DNTTIP1: variants seen among roughly 807,000 people sequenced by gnomAD.
DNTTIP1 encodes the protein deoxynucleotidyltransferase terminal-interacting protein 1.
DNTTIP1 carries 22 observed loss-of-function variants against 52.9 expected under a neutral mutation model. The ratio of observed to expected loss-of-function variants is 0.42; its 90% confidence interval spans 0.30 to 0.59. The LOEUF (loss-of-function observed/expected upper bound fraction) is 0.59. DNTTIP1 is among the 20% of genes least tolerant of loss of function. DNTTIP1 has a pLI of 0.22. For synonymous variants in DNTTIP1, 136 were observed against 155.1 expected (o/e 0.88, Z 0.92); for missense variants, 286 against 435.5 (o/e 0.66, Z 3.06).
chr20:45,799,475 G>A (rs1002759023), intron 4 of DNTTIP1, among the ~76,000 whole-genome samples: 1 of 152,162 alleles, frequency 6.6e-6, no homozygotes, highest in African/African-American at 2.4e-5. Flanking sequence ...TGAGCCAGGT[G>A]TTCCCACCTT....
chr20:45,795,153 G>A (rs1010074777), intron 3 of DNTTIP1, among the ~76,000 whole-genome samples, 192 bp from the exon 4 acceptor site: 1 of 152,068 alleles, frequency 6.6e-6, no homozygotes, highest in Non-Finnish European at 1.5e-5. Flanking sequence ...GATTATATCC[G>A]TAAGAGGGGG....
intron 11 of DNTTIP1, among the ~76,000 whole-genome samples, chr20:45,810,373 C>G (rs1009952295): frequency 2.0e-5 from 3 of 152,162 alleles, no homozygotes; most frequent in African/African-American, 4.8e-5. Flanking sequence ...ATCATGTTTT[C>G]CATTTTGCCA....
intron 4 of DNTTIP1, among the ~76,000 whole-genome samples, chr20:45,798,724 C>T (rs1981326867): frequency 6.6e-6 from 1 of 152,152 alleles, no homozygotes; most frequent in South Asian, 2.1e-4. Context: ...GTTTAAATAT[C>T]AGAGAGGTCT....
intron 4 of DNTTIP1, among the ~76,000 whole-genome samples, chr20:45,797,231 A>G (rs985557521): frequency 2.0e-5 from 3 of 152,220 alleles, no homozygotes; most frequent in Non-Finnish European, 4.4e-5. Context: ...GGGAGAATAA[A>G]GTCTTAATGC....
At chr20:45,795,773 T>C (rs1436007431) in intron 4 of DNTTIP1, among the ~76,000 whole-genome samples, 2 of 152,230 alleles carry the variant, frequency 1.3e-5, no homozygotes, top group African/African-American at 4.8e-5. Context: ...CACTCCAGCC[T>C]GGGTGAAAGA....
chr20:45,799,187 C>T (rs775169520), intron 4 of DNTTIP1, among the ~76,000 whole-genome samples: 3 of 152,080 alleles, frequency 2.0e-5, no homozygotes, highest in Non-Finnish European at 4.4e-5. Context: ...TTAATTGAAG[C>T]TGTGAGAATA....
In DNTTIP1 at chr20:45,809,111, C is replaced by T. The variant is rs1342191073; in HGVS notation, c.724-3C>T. ...AATTTTCTTACAACTTCATTCCTTA[C>T]AGTATGCAGCTGACCCCCAGGATAA... On this transcript the variant is annotated splice_polypyrimidine_tract_variant and splice_region_variant and intron_variant, in intron 10 of 12. Transcript: ENST00000372622. The surrounding 1 kb of genome is among the most constrained non-coding windows in gnomAD (Gnocchi z 4.2). The T allele has an allele frequency of 6.2e-7, 1 of 1,613,870 alleles. No individual in the cohort carries two copies. Among genetic ancestry groups the T allele is most frequent in the Non-Finnish European group, 8.5e-7 (1 of 1,179,744 alleles).
chr20:45,807,889 T>A (rs1158106685), intron 10 of DNTTIP1, among the ~76,000 whole-genome samples: 2 of 151,742 alleles, frequency 1.3e-5, no homozygotes, highest in Non-Finnish European at 2.9e-5. Context: ...GAGGCAGAGG[T>A]TTCAGTGAGC....
intron 6 of DNTTIP1, 100 bp from the exon 7 acceptor site, chr20:45,801,899 C>A: frequency 8.5e-7 from 1 of 1,177,000 alleles, no homozygotes; most frequent in Non-Finnish European, 1.3e-6. Flanking sequence ...ATCATTTGAT[C>A]TCTTTGGAAA....
chr20:45,806,314 C>G (rs192883105), intron 10 of DNTTIP1, among the ~76,000 whole-genome samples: 329 of 148,500 alleles, frequency 2.2e-3, no homozygotes, highest in African/African-American at 7.7e-3. Context: ...CAAGATCTCA[C>G]CATTGCACTC....
At chr20:45,798,515 G>A (rs1387401805) in intron 4 of DNTTIP1, among the ~76,000 whole-genome samples, 2 of 151,948 alleles carry the variant, frequency 1.3e-5, no homozygotes, top group African/African-American at 4.8e-5. Flanking sequence ...GACCCACAGA[G>A]CCTACCCTCG....
At chr20:45,805,243 T>G in intron 9 of DNTTIP1, 39 bp downstream of exon 9, 1 of 1,614,034 alleles carries the variant, frequency 6.2e-7, no homozygotes, top group Non-Finnish European at 8.5e-7. Flanking sequence ...AGGAAACAGC[T>G]CAGGAGTTCA....
At chr20:45,801,274 A>G in intron 5 of DNTTIP1, 128 bp from the exon 6 acceptor site, 5 of 1,379,148 alleles carry the variant, frequency 3.6e-6, no homozygotes, top group Non-Finnish European at 5.1e-6. Flanking sequence ...ATCATGCTGG[A>G]TGGGCTTCTT....
intron 4 of DNTTIP1, chr20:45,796,545 G>T: frequency 2.1e-6 from 1 of 471,178 alleles, no homozygotes. Context: ...GTGTGGTCAG[G>T]AAGCATGACA....
At chr20:45,807,362 T>C (rs898277895) in intron 10 of DNTTIP1, among the ~76,000 whole-genome samples, 21 of 152,214 alleles carry the variant, frequency 1.4e-4, no homozygotes, top group African/African-American at 5.1e-4. Flanking sequence ...GCTCAGATGA[T>C]CCACAGCCTC....
chr20:45,802,610 A>C (rs763370802), intron 7 of DNTTIP1, among the ~76,000 whole-genome samples: 5 of 152,214 alleles, frequency 3.3e-5, no homozygotes, highest in Non-Finnish European at 7.4e-5. Context: ...CAGGCACCAG[A>C]GTGGTACATT....
intron 4 of DNTTIP1, among the ~76,000 whole-genome samples, chr20:45,799,390 A>G (rs1981348567): frequency 1.3e-5 from 2 of 152,232 alleles, no homozygotes; most frequent in African/African-American, 4.8e-5. Flanking sequence ...TGCCACTGGC[A>G]GAGGTCGGGT....
chr20:45,794,786 T>TA (rs776136479), intron 3 of DNTTIP1, among the ~76,000 whole-genome samples: 52,702 of 123,934 alleles, frequency 0.43, 13,190 homozygotes, highest in Non-Finnish European at 0.57. Context: ...TCATCTCTAC[T>TA]AAAAAAAAAA....
chr20:45,811,259 G>T lies in DNTTIP1; in HGVS notation c.*64G>T. The stretch of plus-strand genomic sequence containing the variant: ...AAGCCCTCTTCCTCACGTGGCTGAG[G>T]CCACCGCTGGGACTGCTCCTAGATG... On this transcript the variant is annotated 3_prime_UTR_variant, in exon 13 of 13. Transcript: ENST00000372622. 6.5e-7 allele frequency: 1 copy of T among 1,541,376 alleles called. No homozygotes were observed. Among genetic ancestry groups the T allele is most frequent in the African/African-American group, 1.4e-5 (1 of 72,806 alleles).
Sources: allele counts gnomAD v4.1 joint callset (sites outside exome capture counted in the v4.1 genomes callset), GRCh38; gene constraint gnomAD v4.1.1; non-coding constraint Gnocchi (gnomAD v3.1); transcripts MANE v1.5; gene names NCBI Gene and HGNC (gene_info 2026-07-23, HGNC 2026-07-21).